Variants in FBRS observed in about 807,000 individuals in gnomAD.
The protein encoded by FBRS is probable fibrosin-1.
Under a neutral mutation model 86.1 loss-of-function variants are expected in FBRS, and 15 were observed. That is an observed-to-expected ratio of 0.17 (90% CI 0.12 to 0.27). FBRS has a LOEUF of 0.27. Among genes scored for constraint, FBRS ranks in the 10% least tolerant of loss-of-function variants. The pLI is 1.00. For synonymous variants in FBRS, 666 were observed against 575.8 expected (o/e 1.16, Z -2.24); for missense variants, 1,367 against 1,301.6 (o/e 1.05, Z -0.77).
At chr16:30,662,309 A>G (rs868436044) in intron 4 of FBRS, 111 bp from the exon 5 acceptor site, 28 of 1,481,720 alleles carry the variant, frequency 1.9e-5, no homozygotes, top group Middle Eastern at 4.7e-4. Flanking sequence ...CTGAAGGAAC[A>G]GACTTGCCAC....
intron 16 of FBRS, 58 bp downstream of exon 16, chr16:30,668,701 G>C: frequency 6.3e-7 from 1 of 1,586,184 alleles, no homozygotes; most frequent in Non-Finnish European, 8.6e-7. Flanking sequence ...AGCTCAGACG[G>C]TCTGGGAGGA....
Position 30,666,532 on chromosome 16 carries a change from A to G in FBRS, c.1794A>G (p.Pro598=), listed in dbSNP as rs2052523999. 1 of 1,613,892 alleles carries G rather than the reference A, an allele frequency of 6.2e-7. No individual in the cohort carries two copies. The highest frequency in any genetic ancestry group is 1.3e-5 in the African/African-American group (1 of 75,014). The change falls in exon 12 of 18, where the codon CCA becomes CCG. Residue 598 remains proline (P), a synonymous_variant. Coordinates refer to ENST00000356166, the MANE Select transcript of FBRS (RefSeq NM_001105079.3). ...KGTQIPDHFR[P]PLRKPGKWCA... ...CCCAGATCCCCGACCATTTCCGGCC[A>G]CCTTTGAGGGTGAGTTGTGTGAGGA...
At chr16:30,666,834 C>G in intron 12 of FBRS, 85 bp from the exon 13 acceptor site, 1 of 1,442,814 alleles carries the variant, frequency 6.9e-7, no homozygotes, top group Non-Finnish European at 9.6e-7. Flanking sequence ...TGTGGCGAGG[C>G]TGGGCCCAGA....
rs751034752 is a variant in FBRS at position 30,659,904 on chromosome 16, A to G, written c.386A>G (p.Glu129Gly). The G allele has an allele frequency of 1.4e-5, 21 of 1,550,918 alleles. 1 individual carries two copies. In the Admixed American group the frequency reaches 3.5e-4, roughly 26 times the overall value. ...DDGEAEEEPE[E>G]EEEEEEDLID... ...GGCGAAGCCGAGGAGGAGCCTGAGG[A>G]GGAGGAAGAGGAGGAGGAGGACTTG... Residue 129 changes from glutamate to glycine, a missense_variant, in exon 1 of 18, where the codon GAG (glutamate) becomes GGG (glycine). Physicochemically the swap from Glu to Gly is moderately conservative, Grantham distance 98. Transcript: ENST00000356166.
At position 30,669,310 on chromosome 16, in the gene FBRS, C is replaced by T; in HGVS notation, c.2608C>T (p.Pro870Ser). The T allele has an allele frequency of 6.2e-7, 1 of 1,605,962 alleles. No homozygotes were observed. The highest frequency in any genetic ancestry group is 8.5e-7 in the Non-Finnish European group (1 of 1,176,732). ...GCCCCGGCCGCCCCCGTTTCTGGGC[C>T]CTAGCCCACCAGATCGCTGTGCTGG... ...ERPRPPPFLG[P>S]SPPDRCAGFL... The change falls in exon 18 of 18, where the codon CCT (proline) becomes TCT (serine). Residue 870 changes from proline to serine, a missense_variant. This residue lies in a region of FBRS where 659 missense variants were observed against 678.8 expected (regional missense o/e 0.97). Coordinates refer to ENST00000356166, the MANE Select transcript of FBRS (RefSeq NM_001105079.3). This position sits in a 1 kb window ranked among gnomAD's most constrained non-coding sequence, Gnocchi z 5.9.
At position 30,669,423 on chromosome 16, in the gene FBRS, C is replaced by T. The variant is rs751965560; in HGVS notation, c.2721C>T (p.Pro907=). The T allele has an allele frequency of 1.1e-5, 17 of 1,612,652 alleles. No homozygotes were observed. The highest frequency in any genetic ancestry group is 1.0e-4 in the Admixed American group (6 of 59,998). ...AGGCGGGTGAGGAGCTAACTGGACC[C>T]GGGGCCGTGGCCGCTGCCCGCCTCT... The part of the protein sequence containing the change: ...FYEAGEELTG[P]GAVAAARLYG... Residue 907 remains proline (P), a synonymous_variant, in exon 18 of 18, where the codon CCC becomes CCT. Coordinates refer to ENST00000356166, the MANE Select transcript of FBRS (RefSeq NM_001105079.3). This position sits in a 1 kb window ranked among gnomAD's most constrained non-coding sequence, Gnocchi z 5.9.
rs370330416 is a variant in FBRS, at chr16:30,666,559, C to G, written c.1803+18C>G. On this transcript the variant is annotated intron_variant, in intron 12 of 17. Transcript: ENST00000356166. The stretch of plus-strand genomic sequence containing the variant: ...CTTTGAGGGTGAGTTGTGTGAGGAC[C>G]TCAGGCTGCATGAGGCTGGGGGCTG... 1.8e-5 allele frequency: 29 copies of G among 1,613,856 alleles called. No homozygotes were observed. Among genetic ancestry groups the G allele is most frequent in the Non-Finnish European group, 2.3e-5 (27 of 1,179,896 alleles).
Position 30,669,701 on chromosome 16 carries a change from C to G in FBRS, c.*56C>G. ...CATCTCCCCTTCCTTTAACCAGGTCCTAGGGCTGAGGTTTTAAGCCAGGGC... is the reference window on the plus strand; with the variant it reads ...CATCTCCCCTTCCTTTAACCAGGTCGTAGGGCTGAGGTTTTAAGCCAGGGC... On this transcript the variant is annotated 3_prime_UTR_variant, in exon 18 of 18. Coordinates refer to ENST00000356166, the MANE Select transcript of FBRS (RefSeq NM_001105079.3). The surrounding 1 kb of genome is among the most constrained non-coding windows in gnomAD (Gnocchi z 5.9). 2.0e-6 allele frequency: 3 copies of G among 1,511,722 alleles called. No individual in the cohort carries two copies. The highest frequency in any genetic ancestry group is 1.3e-5 in the South Asian group (1 of 78,004). The allele number at this position is 1,511,722 out of a possible 1,614,324, so 93.6% of individuals were successfully genotyped here. A position where few individuals can be genotyped will look rare whatever the true frequency, so the allele number is the denominator to read the frequency against.
intron 12 of FBRS, 70 bp from the exon 13 acceptor site, chr16:30,666,849 G>C: frequency 3.3e-6 from 5 of 1,521,286 alleles, no homozygotes; most frequent in Non-Finnish European, 4.5e-6. Context: ...CCCAGAGCCA[G>C]GCCTGGAGTG....
Position 30,659,295 on chromosome 16 carries a change from C to T in FBRS, c.-224C>T. On this transcript the variant is annotated 5_prime_UTR_variant, in exon 1 of 18. Coordinates refer to ENST00000356166, the MANE Select transcript of FBRS (RefSeq NM_001105079.3). Reference sequence around the variant, plus strand: ...CCCGTTTTCGCCGTCGCGGCCCCGCCGAGCCCGCAGGGGGGGCCCTCGGGC... The same window carrying T: ...CCCGTTTTCGCCGTCGCGGCCCCGCTGAGCCCGCAGGGGGGGCCCTCGGGC... 5.5e-6 allele frequency: 1 copy of T among 181,626 alleles called. No homozygotes were observed. Among genetic ancestry groups the T allele is most frequent in the East Asian group, 1.5e-4 (1 of 6,888 alleles). The allele number at this position is 181,626 out of a possible 1,614,324, so 11.3% of individuals were successfully genotyped here. A position where few individuals can be genotyped will look rare whatever the true frequency, so the allele number is the denominator to read the frequency against.
rs1174248806 is a variant in FBRS at position 30,667,351 on chromosome 16, ACCT to A, written c.1911_1913del (p.Leu638del). On this transcript the variant is annotated inframe_deletion, in exon 14 of 18. Coordinates refer to ENST00000356166, the MANE Select transcript of FBRS (RefSeq NM_001105079.3). Reference sequence around the variant, plus strand: ...TCCCACAAGCTTGACTTTCGGAATGACCTCCTGCCCTGCCTTCCGGGGCCCTAT... The same window carrying A: ...TCCCACAAGCTTGACTTTCGGAATGACCTGCCCTGCCTTCCGGGGCCCTAT... The A allele has an allele frequency of 1.3e-6, 2 of 1,553,306 alleles. No individual in the cohort carries two copies. The highest frequency in any genetic ancestry group is 8.7e-7 in the Non-Finnish European group (1 of 1,148,208).
rs566920333 is a variant in FBRS at position 30,665,104 on chromosome 16, A to G, written c.1608+25A>G. On this transcript the variant is annotated intron_variant, in intron 9 of 17. Transcript: ENST00000356166. This position sits in a 1 kb window ranked among gnomAD's most constrained non-coding sequence, Gnocchi z 4.1. Reference sequence around the variant, plus strand: ...TGTGAGTGTGTGTGTGCGTGTGCGTATGGGGTGTGTGGTGTGGGCGTGGAT... The same window carrying G: ...TGTGAGTGTGTGTGTGCGTGTGCGTGTGGGGTGTGTGGTGTGGGCGTGGAT... The G allele has an allele frequency of 2.5e-6, 4 of 1,609,238 alleles. No individual in the cohort carries two copies. The highest frequency in any genetic ancestry group is 2.2e-5 in the South Asian group (2 of 90,644).
intron 15 of FBRS, chr16:30,667,867 A>C (rs1316219666): frequency 9.3e-6 from 4 of 431,220 alleles, no homozygotes; most frequent in Non-Finnish European, 1.6e-5. Flanking sequence ...TGGCAGGGGC[A>C]GTACGCCACC....
chr16:30,659,595 GCCGAGA>G lies in FBRS; in HGVS notation c.87_92del (p.Asp30_Arg31del), dbSNP rs2052428844. 5.5e-6 allele frequency: 2 copies of G among 362,750 alleles called. No individual in the cohort carries two copies. Among genetic ancestry groups the G allele is most frequent in the Non-Finnish European group, 4.9e-6 (1 of 204,982 alleles). The allele number at this position is 362,750 out of a possible 1,614,324, so 22.5% of individuals were successfully genotyped here. A position where few individuals can be genotyped will look rare whatever the true frequency, so the allele number is the denominator to read the frequency against. On this transcript the variant is annotated inframe_deletion, in exon 1 of 18. Coordinates refer to ENST00000356166, the MANE Select transcript of FBRS (RefSeq NM_001105079.3). ...GAGCGCCGACGGCGGCGCTGCTCGC[GCCGAGA>G]CCGAGACCGGGAGCAGCGGCGCCGC...
chr16:30,667,827 C>A (rs2052541282), intron 15 of FBRS: 1 of 470,338 alleles, frequency 2.1e-6, no homozygotes, highest in South Asian at 4.7e-5. Flanking sequence ...TCAGTCTCTG[C>A]CAGCTGGAGC....
chr16:30,666,895 T>C (rs574584806), intron 12 of FBRS, 24 bp from the exon 13 acceptor site: 1 of 1,607,676 alleles, frequency 6.2e-7, no homozygotes, highest in Admixed American at 1.7e-5. Context: ...CCCTTTCCCT[T>C]TGGTCATCCT....
In FBRS at chr16:30,668,931, G is replaced by A. The variant is rs760279494; in HGVS notation, c.2318G>A (p.Arg773Gln). 6 of 1,590,516 alleles carry A rather than the reference G, an allele frequency of 3.8e-6. No individual in the cohort carries two copies. The highest frequency in any genetic ancestry group is 2.7e-5 in the African/African-American group (2 of 74,592). ...AARTPGSDKE[R>Q]PVERREPSIT... Reference sequence around the variant, plus strand: ...CGGACTCCAGGCTCAGACAAGGAGCGGCCTGTGGAGCGGAGGGAGCCCTCC... The same window carrying A: ...CGGACTCCAGGCTCAGACAAGGAGCAGCCTGTGGAGCGGAGGGAGCCCTCC... The change falls in exon 17 of 18, where the codon CGG (arginine) becomes CAG (glutamine). Residue 773 changes from arginine (R) to glutamine (Q), a missense_variant. Transcript: ENST00000356166.
intron 12 of FBRS, 39 bp downstream of exon 12, chr16:30,666,580 G>C (rs746904922): frequency 6.2e-7 from 1 of 1,613,964 alleles, no homozygotes; most frequent in Admixed American, 1.7e-5. Flanking sequence ...TGAGGCTGGG[G>C]GCTGGTGTTA....
intron 15 of FBRS, chr16:30,668,327 T>C: frequency 3.8e-6 from 2 of 522,800 alleles, no homozygotes; most frequent in Non-Finnish European, 6.9e-6. Flanking sequence ...CTCTGTTTTA[T>C]CATCTTCAAG....
Sources: allele counts gnomAD v4.1 joint callset, GRCh38; gene constraint gnomAD v4.1.1; regional missense constraint gnomAD v4.1.1; non-coding constraint Gnocchi (gnomAD v3.1); transcripts MANE v1.5; gene names NCBI Gene and HGNC (gene_info 2026-07-23, HGNC 2026-07-21).